DLC1: variants seen among roughly 807,000 people sequenced by gnomAD.
DLC1 encodes DLC1 Rho GTPase activating protein.
Under a neutral mutation model 140.3 loss-of-function variants are expected in DLC1, and 54 were observed. The observed-to-expected ratio is 0.38, with a 90% CI of 0.31 to 0.48. The LOEUF (loss-of-function observed/expected upper bound fraction) is 0.48. Among genes scored for constraint, DLC1 ranks in the 20% least tolerant of loss-of-function variants. The pLI, the probability that DLC1 is intolerant of heterozygous loss-of-function variation, is 0.96. For missense variants in DLC1, 2,536 were observed against 1,907.0 expected (o/e 1.33, Z -6.14); for synonymous variants, 986 against 728.1 (o/e 1.35, Z -5.70).
intron 2 of DLC1, among the ~76,000 whole-genome samples, chr8:13,495,915 A>G (rs1801479227): frequency 6.6e-6 from 1 of 152,226 alleles, no homozygotes; most frequent in South Asian, 2.1e-4. Flanking sequence ...GACAAAAGAA[A>G]TCAATGTGCA....
chr8:13,231,781 T>C (rs1465674291), intron 5 of DLC1, among the ~76,000 whole-genome samples: 1 of 152,238 alleles, frequency 6.6e-6, no homozygotes, highest in Non-Finnish European at 1.5e-5. Flanking sequence ...ATCCTCTAAT[T>C]GTTTGTGAAT....
chr8:13,568,473 G>A (rs17094667), intron 1 of DLC1, among the ~76,000 whole-genome samples: 90,358 of 151,900 alleles, frequency 0.59, 27,514 homozygotes, highest in East Asian at 0.71. Context: ...GCGCTTCAGA[G>A]GAAAGGTATA....
chr8:13,337,297 A>G (rs957792954), intron 4 of DLC1, among the ~76,000 whole-genome samples: 1 of 152,218 alleles, frequency 6.6e-6, no homozygotes, highest in African/African-American at 2.4e-5. Flanking sequence ...TTTCTGATTC[A>G]ATTACAATTA....
At chr8:13,286,790 C>A (rs1831549775) in intron 5 of DLC1, among the ~76,000 whole-genome samples, 1 of 147,740 alleles carries the variant, frequency 6.8e-6, no homozygotes, top group African/African-American at 2.5e-5. Flanking sequence ...CATAAAAATG[C>A]TAAAGAAAGA....
chr8:13,101,822 T>G (rs762275595), intron 8 of DLC1, among the ~76,000 whole-genome samples: 3 of 152,224 alleles, frequency 2.0e-5, no homozygotes, highest in South Asian at 2.1e-4. Flanking sequence ...GCCCGATTTA[T>G]GTACAGGACT....
At chr8:13,489,145 T>C (rs985741083) in intron 2 of DLC1, among the ~76,000 whole-genome samples, 1 of 151,904 alleles carries the variant, frequency 6.6e-6, no homozygotes, top group Non-Finnish European at 1.5e-5. Flanking sequence ...CAGGGTTTCA[T>C]CATATTGGTC....
intron 2 of DLC1, among the ~76,000 whole-genome samples, chr8:13,406,321 C>T (rs900511179): frequency 6.6e-6 from 1 of 151,524 alleles, no homozygotes; most frequent in African/African-American, 2.4e-5. Flanking sequence ...CCTGACCTTG[C>T]CCAGTTCTTT....
intron 2 of DLC1, among the ~76,000 whole-genome samples, chr8:13,480,168 T>A (rs943933354): frequency 2.6e-5 from 4 of 152,144 alleles, no homozygotes; most frequent in African/African-American, 7.2e-5. Context: ...AGAAATATCA[T>A]CCAGTTTCTC....
intron 1 of DLC1, among the ~76,000 whole-genome samples, chr8:13,603,422 C>G (rs1418376312): frequency 1.3e-5 from 2 of 151,374 alleles, no homozygotes; most frequent in African/African-American, 4.9e-5. Context: ...AATTTCCTAG[C>G]TGGTATGGAA....
At position 13,483,794 on chromosome 8, in the gene DLC1, A is replaced by T. The variant is rs1231895544; in HGVS notation, c.1023+15255T>A. ...TACAGATTTGCATTGTTTAAAGATA[A>T]TCTCGGGCGGGGTGTGGTGGCTCAC... On this transcript the variant is annotated intron_variant, in intron 2 of 17. Coordinates refer to ENST00000276297, the MANE Select transcript of DLC1 (RefSeq NM_182643.3). Among the ~76,000 whole-genome samples, 4 of 152,204 alleles carry T rather than the reference A, an allele frequency of 2.6e-5. No homozygotes were observed. The East Asian group carries it at 7.7e-4, about 29-fold the overall frequency.
At chr8:13,571,272 G>C (rs1804644178) in intron 1 of DLC1, among the ~76,000 whole-genome samples, 1 of 152,000 alleles carries the variant, frequency 6.6e-6, no homozygotes, top group Non-Finnish European at 1.5e-5. Context: ...CCATTCAGTA[G>C]CATGACATCC....
intron 5 of DLC1, among the ~76,000 whole-genome samples, chr8:13,159,060 G>A (rs112737712): frequency 2.6e-5 from 4 of 152,288 alleles, no homozygotes; most frequent in South Asian, 4.1e-4. Flanking sequence ...AGAGATAGGA[G>A]TTTTGGCTTC....
intron 5 of DLC1, among the ~76,000 whole-genome samples, chr8:13,224,952 GCTCTTCA>G (rs1441544315): frequency 6.6e-6 from 1 of 152,194 alleles, no homozygotes; most frequent in African/African-American, 2.4e-5. Context: ...TGGAAGATGA[GCTCTTCA>G]CTTAGGGGCT....
intron 4 of DLC1, among the ~76,000 whole-genome samples, chr8:13,318,176 C>T (rs1043051616): frequency 1.3e-5 from 2 of 151,700 alleles, no homozygotes; most frequent in East Asian, 3.9e-4. Flanking sequence ...TAGCATGCAC[C>T]ACTACACTCA....
intron 5 of DLC1, among the ~76,000 whole-genome samples, chr8:13,137,294 G>A (rs958222369): frequency 3.3e-5 from 5 of 152,082 alleles, no homozygotes; most frequent in African/African-American, 1.2e-4. Flanking sequence ...GTTAGATAAC[G>A]TTAGATAATG....
At chr8:13,485,894 T>C (rs1431533582) in intron 2 of DLC1, among the ~76,000 whole-genome samples, 2 of 152,230 alleles carry the variant, frequency 1.3e-5, no homozygotes, top group Admixed American at 1.3e-4. Context: ...AAAAATTTAG[T>C]GCTTTATGTG....
chr8:13,517,418 CA>C (rs1003202532), upstream of DLC1, among the ~76,000 whole-genome samples: 4 of 152,114 alleles, frequency 2.6e-5, no homozygotes, highest in Admixed American at 6.5e-5. Flanking sequence ...CTTTTCTACA[CA>C]AAAAATACAT....
intron 1 of DLC1, among the ~76,000 whole-genome samples, chr8:13,575,177 C>A (rs752701578): frequency 4.6e-5 from 7 of 152,152 alleles, no homozygotes; most frequent in Non-Finnish European, 8.8e-5. Flanking sequence ...CTTATGCAAT[C>A]ATAAGCCCTG....
chr8:13,230,893 G>T (rs992274553), intron 5 of DLC1, among the ~76,000 whole-genome samples: 4 of 152,048 alleles, frequency 2.6e-5, no homozygotes, highest in Non-Finnish European at 4.4e-5. Context: ...CACTGCAGCT[G>T]GCCCAGATAT....
Sources: allele counts gnomAD v4.1 joint callset (sites outside exome capture counted in the v4.1 genomes callset), GRCh38; gene constraint gnomAD v4.1.1; transcripts MANE v1.5; gene names NCBI Gene and HGNC (gene_info 2026-07-23, HGNC 2026-07-21).